Variants in USP46 observed in about 807,000 individuals in gnomAD.
USP46 encodes the protein ubiquitin specific peptidase 46.
Under a neutral mutation model 44.4 loss-of-function variants are expected in USP46, and 12 were observed. That is an observed-to-expected ratio of 0.27 (90% confidence interval 0.17 to 0.44). The LOEUF (loss-of-function observed/expected upper bound fraction) is 0.44. USP46 is among the 20% of genes least tolerant of loss of function. The pLI is 1.00. For synonymous variants in USP46, 155 were observed against 161.5 expected (o/e 0.96, Z 0.31); for missense variants, 248 against 444.8 (o/e 0.56, Z 3.98).
chr4:52,604,407 T>C, intron 6 of USP46, 94 bp downstream of exon 6: 1 of 984,334 alleles, frequency 1.0e-6, no homozygotes, highest in Non-Finnish European at 1.6e-6. Context: ...CAAGCCCAGG[T>C]AGCTGAGATT....
intron 1 of USP46, among the ~76,000 whole-genome samples, chr4:52,632,980 GA>G (rs375021775): frequency 2.8e-5 from 2 of 71,434 alleles, no homozygotes; most frequent in African/African-American, 1.4e-4. Flanking sequence ...AAGAAAGAAA[GA>G]AAGAAAAGAA....
chr4:52,643,830 C>T (rs1718440272), intron 1 of USP46, among the ~76,000 whole-genome samples: 1 of 152,178 alleles, frequency 6.6e-6, no homozygotes, highest in Non-Finnish European at 1.5e-5. Context: ...CTCACTCAGC[C>T]AATAAGAGCA....
At chr4:52,600,199 G>A (rs1716413263) in intron 7 of USP46, among the ~76,000 whole-genome samples, 1 of 151,998 alleles carries the variant, frequency 6.6e-6, no homozygotes, top group Admixed American at 6.6e-5. Flanking sequence ...GTGTCTTTTC[G>A]TTACTCTATT....
intron 5 of USP46, among the ~76,000 whole-genome samples, chr4:52,605,618 C>G (rs1716658067): frequency 6.6e-6 from 1 of 152,178 alleles, no homozygotes; most frequent in Non-Finnish European, 1.5e-5. Context: ...CCTGCCAGTC[C>G]TCTGGGCTAG....
intron 5 of USP46, among the ~76,000 whole-genome samples, chr4:52,606,553 T>C (rs1199943652): frequency 1.3e-5 from 2 of 152,048 alleles, no homozygotes; most frequent in Non-Finnish European, 2.9e-5. Flanking sequence ...ACCACGAGAA[T>C]AGTATGGGAA....
intron 1 of USP46, among the ~76,000 whole-genome samples, chr4:52,651,384 T>C (rs1718766598): frequency 6.6e-6 from 1 of 152,058 alleles, no homozygotes; most frequent in South Asian, 2.1e-4. Context: ...TCTCTGGGTG[T>C]TGAACCCCAG....
chr4:52,658,334 A>G, intron 1 of USP46: 1 of 455,282 alleles, frequency 2.2e-6, no homozygotes, highest in Non-Finnish European at 4.4e-6. Flanking sequence ...TGACCACCGC[A>G]TCATGGGCTC....
At chr4:52,625,537 A>G (rs1011417630) in intron 4 of USP46, among the ~76,000 whole-genome samples, 1 of 152,206 alleles carries the variant, frequency 6.6e-6, no homozygotes, top group South Asian at 2.1e-4. Context: ...AAGCTCATCC[A>G]ACCCTCAAAA....
intron 1 of USP46, among the ~76,000 whole-genome samples, chr4:52,650,664 T>TA (rs1428996119): frequency 6.6e-6 from 1 of 152,222 alleles, no homozygotes; most frequent in Non-Finnish European, 1.5e-5. Context: ...TGCTTTTTTG[T>TA]ATGTTAATGT....
chr4:52,602,527 G>A (rs1345981210), intron 6 of USP46, among the ~76,000 whole-genome samples: 1 of 152,114 alleles, frequency 6.6e-6, no homozygotes, highest in Non-Finnish European at 1.5e-5. Context: ...ACACACTCTT[G>A]GGCATCGGGA....
chr4:52,610,974 G>C (rs1716913596), intron 4 of USP46, among the ~76,000 whole-genome samples: 1 of 152,188 alleles, frequency 6.6e-6, no homozygotes, highest in Non-Finnish European at 1.5e-5. Flanking sequence ...AATGGAAAAA[G>C]GACAAGAGAC....
chr4:52,636,075 A>C (rs547253364), intron 1 of USP46, among the ~76,000 whole-genome samples: 1 of 152,330 alleles, frequency 6.6e-6, no homozygotes, highest in South Asian at 2.1e-4. Flanking sequence ...TTAATTTGCT[A>C]ACCCAGTGAC....
rs1185239808 is a variant in USP46 at position 52,595,476 on chromosome 4, A to C, written c.*2164T>G. The stretch of plus-strand genomic sequence containing the variant: ...TTTAATGTGTTTGCAATATTTTCTT[A>C]TACTTACCCTTTTTCGTTCCAAAAA... On this transcript the variant is annotated 3_prime_UTR_variant, in exon 9 of 9. Transcript: ENST00000441222. 2 of 152,578 alleles carry C rather than the reference A, an allele frequency of 1.3e-5. No homozygotes were observed. The highest frequency in any genetic ancestry group is 3.9e-4 in the East Asian group (2 of 5,186). The allele number at this position is 152,578 out of a possible 1,614,324, so 9.5% of individuals were successfully genotyped here. A position where few individuals can be genotyped will look rare whatever the true frequency, so the allele number is the denominator to read the frequency against.
chr4:52,647,050 C>T (rs905674846), intron 1 of USP46, among the ~76,000 whole-genome samples: 9 of 152,178 alleles, frequency 5.9e-5, no homozygotes, highest in South Asian at 2.1e-4. Flanking sequence ...TTTGTAAAAA[C>T]CGAAGACTAG....
chr4:52,601,727 C>G, intron 7 of USP46, 130 bp downstream of exon 7: 1 of 825,184 alleles, frequency 1.2e-6, no homozygotes, highest in Non-Finnish European at 1.7e-6. Flanking sequence ...TTGTGATGAT[C>G]AGTAAGAGTT....
rs79147216 is a variant in USP46, at chr4:52,601,961, G to A, written c.816C>T (p.Tyr272=). ...GGAGTTCCAGAGGGAAGACCACACG[G>A]TAAGACAGCTTGGTGTATCTGTGCA... ...EQLHRYTKLS[Y]RVVFPLELRL... is the part of the protein sequence containing the mutation. The change falls in exon 7 of 9, where the codon TAC becomes TAT. Residue 272 remains tyrosine, a synonymous_variant. Transcript: ENST00000441222. The A allele has an allele frequency of 2.5e-6, 4 of 1,613,990 alleles. No individual in the cohort carries two copies. The highest frequency in any genetic ancestry group is 2.7e-5 in the African/African-American group (2 of 75,038).
chr4:52,610,474 C>A, intron 5 of USP46, 67 bp downstream of exon 5: 1 of 1,370,992 alleles, frequency 7.3e-7, no homozygotes, highest in Non-Finnish European at 1.0e-6. Flanking sequence ...TGAAGAAATA[C>A]AGGATTTTCT....
In USP46 at chr4:52,597,297, G is replaced by A. The variant is rs890729741; in HGVS notation, c.*343C>T. 1.8e-4 allele frequency: 36 copies of A among 201,362 alleles called. No homozygotes were observed. Among genetic ancestry groups the A allele is most frequent in the Non-Finnish European group, 3.5e-4 (35 of 101,240 alleles). The allele number at this position is 201,362 out of a possible 1,614,324, so 12.5% of individuals were successfully genotyped here. On this transcript the variant is annotated 3_prime_UTR_variant, in exon 9 of 9. Coordinates refer to ENST00000441222, the MANE Select transcript of USP46 (RefSeq NM_022832.4). Reference sequence around the variant, plus strand: ...AGACCCTGGAAGCCATAGAAGTTTAGCAAACACCTAAAACAGACCGTAGAC... The same window carrying A: ...AGACCCTGGAAGCCATAGAAGTTTAACAAACACCTAAAACAGACCGTAGAC...
chr4:52,606,329 A>G (rs1716689134), intron 5 of USP46, among the ~76,000 whole-genome samples: 1 of 152,238 alleles, frequency 6.6e-6, no homozygotes, highest in African/African-American at 2.4e-5. Context: ...GTCTGTTCTC[A>G]TGCTGCTAAT....
Sources: gnomAD v4.1 joint callset for allele counts (sites outside exome capture counted in the v4.1 genomes callset) on GRCh38, gnomAD v4.1.1 for gene constraint, MANE v1.5 for transcripts, NCBI Gene and HGNC (gene_info 2026-07-23, HGNC 2026-07-21) for gene names.